SLC4A10: variants seen among roughly 807,000 people sequenced by gnomAD.
SLC4A10 encodes solute carrier family 4 member 10.
In SLC4A10, 42 loss-of-function variants were observed where a neutral mutation model predicts 137.7. That is an observed-to-expected ratio of 0.30 (90% confidence interval 0.24 to 0.39). The LOEUF (loss-of-function observed/expected upper bound fraction) is 0.39. Ranked by LOEUF, SLC4A10 falls within the 10% of genes least tolerant of loss-of-function variation. The pLI, the probability that SLC4A10 is intolerant of heterozygous loss-of-function variation, is 1.00. For missense variants in SLC4A10, 925 were observed against 1,355.0 expected (o/e 0.68, Z 4.98); for synonymous variants, 474 against 464.1 (o/e 1.02, Z -0.27).
At chr2:161,972,297 A>C (rs1413289542) in intron 23 of SLC4A10, among the ~76,000 whole-genome samples, 1 of 152,148 alleles carries the variant, frequency 6.6e-6, no homozygotes, top group African/African-American at 2.4e-5. Flanking sequence ...CCTAAGGAAA[A>C]AGGAACCTTT....
intron 10 of SLC4A10, among the ~76,000 whole-genome samples, chr2:161,886,783 AT>A (rs903890992): frequency 4.0e-4 from 61 of 151,600 alleles, no homozygotes; most frequent in Non-Finnish European, 7.7e-4. Context: ...ATCAATCTTA[AT>A]TTTTTTTGTT....
At chr2:161,774,455 A>AT in intron 2 of SLC4A10, among the ~76,000 whole-genome samples, 1 of 151,966 alleles carries the variant, frequency 6.6e-6, no homozygotes, top group East Asian at 1.9e-4. Flanking sequence ...AACCACCAAT[A>AT]TTCCCCTTTG....
At chr2:161,960,461 C>G (rs1696488380) in intron 21 of SLC4A10, among the ~76,000 whole-genome samples, 1 of 150,818 alleles carries the variant, frequency 6.6e-6, no homozygotes, top group Non-Finnish European at 1.5e-5. Context: ...CAGGCACGGT[C>G]AGCTCACACT....
intron 2 of SLC4A10, among the ~76,000 whole-genome samples, chr2:161,794,773 C>T (rs2054579236): frequency 6.6e-6 from 1 of 152,036 alleles, no homozygotes; most frequent in Admixed American, 6.6e-5. Context: ...TAGCATTTTC[C>T]AATATCTGTG....
At chr2:161,696,371 T>C (rs183482131) in intron 1 of SLC4A10, among the ~76,000 whole-genome samples, 2 of 150,600 alleles carry the variant, frequency 1.3e-5, no homozygotes, top group Non-Finnish European at 3.0e-5. Context: ...TAGTTACATA[T>C]GTATACATGT....
chr2:161,953,132 A>G (rs761645629), intron 19 of SLC4A10, among the ~76,000 whole-genome samples: 7 of 152,298 alleles, frequency 4.6e-5, no homozygotes, highest in Non-Finnish European at 1.0e-4. Context: ...TAGTTTATGT[A>G]TCAAACACTT....
intron 1 of SLC4A10, among the ~76,000 whole-genome samples, chr2:161,750,770 G>T (rs1311849814): frequency 6.6e-6 from 1 of 151,460 alleles, no homozygotes; most frequent in Non-Finnish European, 1.5e-5. Context: ...TAAGTTTGTT[G>T]TTTATTTTCT....
At chr2:161,696,225 C>T (rs982046635) in intron 1 of SLC4A10, among the ~76,000 whole-genome samples, 4 of 151,962 alleles carry the variant, frequency 2.6e-5, no homozygotes, top group Admixed American at 1.3e-4. Context: ...ATCTGTGTCC[C>T]TACAAAGGAC....
intron 2 of SLC4A10, among the ~76,000 whole-genome samples, chr2:161,798,901 C>T (rs2055067295): frequency 6.8e-6 from 1 of 147,652 alleles, no homozygotes; most frequent in South Asian, 2.2e-4. Context: ...TTGAAGAAGG[C>T]ATTCTAGATA....
chr2:161,763,424 G>C (rs978287799), intron 1 of SLC4A10, among the ~76,000 whole-genome samples: 1 of 152,072 alleles, frequency 6.6e-6, no homozygotes. Context: ...ATTTATAAAG[G>C]TGTGGGCATA....
At chr2:161,863,645 C>T (rs970384081) in intron 6 of SLC4A10, among the ~76,000 whole-genome samples, 1 of 152,158 alleles carries the variant, frequency 6.6e-6, no homozygotes, top group African/African-American at 2.4e-5. Flanking sequence ...TGGAGCCACC[C>T]CACTTACTAT....
intron 1 of SLC4A10, among the ~76,000 whole-genome samples, chr2:161,766,000 T>C (rs961317328): frequency 8.5e-5 from 13 of 152,136 alleles, no homozygotes; most frequent in Admixed American, 6.6e-4. Context: ...AGAGGACTTT[T>C]AGTACATGTA....
At chr2:161,975,793 G>A (rs1400461363) in intron 24 of SLC4A10, among the ~76,000 whole-genome samples, 3 of 152,236 alleles carry the variant, frequency 2.0e-5, no homozygotes, top group African/African-American at 4.8e-5. Flanking sequence ...TAAGCAGAGG[G>A]AAGAGCAAGG....
chr2:161,900,447 C>T (rs2105294881), intron 11 of SLC4A10, among the ~76,000 whole-genome samples: 1 of 152,194 alleles, frequency 6.6e-6, no homozygotes, highest in South Asian at 2.1e-4. Flanking sequence ...TTAACACCTC[C>T]TCACGCCAAC....
At chr2:161,849,616 G>A (rs1222518344) in intron 4 of SLC4A10, among the ~76,000 whole-genome samples, 1 of 151,842 alleles carries the variant, frequency 6.6e-6, no homozygotes, top group Non-Finnish European at 1.5e-5. Context: ...ATGAGGGGAT[G>A]TTTAATTTTA....
intron 2 of SLC4A10, among the ~76,000 whole-genome samples, chr2:161,796,301 C>T (rs2125562365): frequency 6.6e-6 from 1 of 152,260 alleles, no homozygotes; most frequent in South Asian, 2.1e-4. Flanking sequence ...TTGGACTCAG[C>T]TAGTTAGTTC....
intron 3 of SLC4A10, among the ~76,000 whole-genome samples, chr2:161,812,381 A>C (rs2056637700): frequency 1.3e-5 from 2 of 151,450 alleles, no homozygotes; most frequent in African/African-American, 4.9e-5. Flanking sequence ...TTTTTTTTTA[A>C]CTTTGAATTT....
chr2:161,909,248 T>G (rs1484058797), intron 15 of SLC4A10, among the ~76,000 whole-genome samples: 1 of 151,612 alleles, frequency 6.6e-6, no homozygotes, highest in African/African-American at 2.4e-5. Flanking sequence ...TAAAATTAAA[T>G]ATATAAAAAA....
At chr2:161,694,073 C>A (rs2042256797) in intron 1 of SLC4A10, among the ~76,000 whole-genome samples, 1 of 151,986 alleles carries the variant, frequency 6.6e-6, no homozygotes, top group Non-Finnish European at 1.5e-5. Context: ...AGCCCCTTTT[C>A]TTTTATTACT....
Sources: allele counts gnomAD v4.1 joint callset (sites outside exome capture counted in the v4.1 genomes callset), GRCh38; gene constraint gnomAD v4.1.1; transcripts MANE v1.5; gene names NCBI Gene and HGNC (gene_info 2026-07-23, HGNC 2026-07-21).